MAP6: variants seen among roughly 807,000 people sequenced by gnomAD.
MAP6 encodes the protein microtubule associated protein 6.
Under a neutral mutation model 42.4 loss-of-function variants are expected in MAP6, and 26 were observed. The observed-to-expected ratio is 0.61, with a 90% confidence interval of 0.45 to 0.85. MAP6 has a LOEUF of 0.85. Among genes scored for constraint, MAP6 ranks in the 40% least tolerant of loss-of-function variants. The probability of loss-of-function intolerance (pLI) is 0.00; values close to 1 mark genes in which losing one functional copy is unlikely to be tolerated. For missense variants in MAP6, 966 were observed against 1,099.0 expected, an observed-to-expected ratio of 0.88 and a Z score of 1.71; for synonymous variants, 418 against 443.8, an observed-to-expected ratio of 0.94 and a Z score of 0.73.
At chr11:75,633,098 A>G (rs915968163) in intron 1 of MAP6, among the ~76,000 whole-genome samples, 2 of 151,980 alleles carry the variant, frequency 1.3e-5, no homozygotes, top group Middle Eastern at 3.4e-3. Flanking sequence ...CAATGTCTCC[A>G]CAAAACCTAA....
chr11:75,614,521 T>A (rs1036324030), intron 1 of MAP6, among the ~76,000 whole-genome samples: 1 of 152,206 alleles, frequency 6.6e-6, no homozygotes, highest in East Asian at 1.9e-4. Flanking sequence ...CAAGCTGCCA[T>A]GTCATAAGGA....
chr11:75,595,737 C>T (rs567267291), intron 3 of MAP6, among the ~76,000 whole-genome samples: 3 of 150,424 alleles, frequency 2.0e-5, no homozygotes, highest in South Asian at 2.2e-4. Flanking sequence ...CCCACCCCCA[C>T]CTTGGCAGCA....
chr11:75,610,745 G>A (rs1269154416), intron 1 of MAP6, among the ~76,000 whole-genome samples: 1 of 152,152 alleles, frequency 6.6e-6, no homozygotes, highest in Non-Finnish European at 1.5e-5. Flanking sequence ...GGGAAGCAGG[G>A]GGCGGAGAAG....
At chr11:75,623,837 T>G (rs1943153140) in intron 1 of MAP6, among the ~76,000 whole-genome samples, 1 of 152,220 alleles carries the variant, frequency 6.6e-6, no homozygotes, top group African/African-American at 2.4e-5. Context: ...GAAAGTGGCA[T>G]GAAATACCAC....
At chr11:75,652,707 C>T (rs1425519490) in intron 1 of MAP6, among the ~76,000 whole-genome samples, 3 of 151,840 alleles carry the variant, frequency 2.0e-5, no homozygotes, top group Non-Finnish European at 2.9e-5. Context: ...GGCATGGTGG[C>T]ACGTGCCTGT....
intron 1 of MAP6, among the ~76,000 whole-genome samples, chr11:75,610,041 A>G (rs551156031): frequency 1.8e-4 from 28 of 152,292 alleles, no homozygotes; most frequent in African/African-American, 6.5e-4. Flanking sequence ...AAGAAGAGGA[A>G]GAGAGACCTC....
intron 1 of MAP6, among the ~76,000 whole-genome samples, chr11:75,610,066 GC>G (rs778520739): frequency 2.2e-4 from 33 of 152,102 alleles, no homozygotes; most frequent in Admixed American, 5.2e-4. Context: ...AGCATACTTG[GC>G]CCCCTCGCCA....
chr11:75,662,009 T>C (rs1026849883), intron 1 of MAP6, among the ~76,000 whole-genome samples: 4 of 152,032 alleles, frequency 2.6e-5, no homozygotes, highest in Admixed American at 6.5e-5. Flanking sequence ...TGGGCAATAA[T>C]AAATTAGAAA....
At chr11:75,601,348 C>T (rs1294716096) in intron 3 of MAP6, among the ~76,000 whole-genome samples, 1 of 152,222 alleles carries the variant, frequency 6.6e-6, no homozygotes, top group Non-Finnish European at 1.5e-5. Flanking sequence ...TCTCCCTTAA[C>T]TCATCAAAAG....
chr11:75,658,135 T>C (rs1377818469), intron 1 of MAP6, among the ~76,000 whole-genome samples: 1 of 152,226 alleles, frequency 6.6e-6, no homozygotes, highest in Non-Finnish European at 1.5e-5. Flanking sequence ...CTATAAACAT[T>C]CTTATATAAG....
chr11:75,646,165 G>A, intron 1 of MAP6, among the ~76,000 whole-genome samples: 1 of 152,068 alleles, frequency 6.6e-6, no homozygotes, highest in East Asian at 1.9e-4. Flanking sequence ...CCATAGGAAG[G>A]AAGGACAATT....
intron 3 of MAP6, chr11:75,604,287 A>C: frequency 1.0e-6 from 1 of 985,886 alleles, no homozygotes; most frequent in Non-Finnish European, 1.2e-6. Flanking sequence ...TGATGTAAGC[A>C]GAGACTTTGC....
chr11:75,604,140 G>A, intron 3 of MAP6: 1 of 985,884 alleles, frequency 1.0e-6, no homozygotes. Context: ...CCCTGAGATA[G>A]AAAGGAAGGT....
chr11:75,603,739 C>G, intron 3 of MAP6: 1 of 985,178 alleles, frequency 1.0e-6, no homozygotes, highest in Non-Finnish European at 1.2e-6. Flanking sequence ...TACTGCCCAC[C>G]ACGCCTAGCA....
At chr11:75,659,253 AG>A (rs1943801954) in intron 1 of MAP6, among the ~76,000 whole-genome samples, 1 of 152,136 alleles carries the variant, frequency 6.6e-6, no homozygotes, top group Non-Finnish European at 1.5e-5. Flanking sequence ...AGGCTGAAGC[AG>A]GGGGATCACC....
At chr11:75,614,738 ACATGGCTAAG>A (rs1168144320) in intron 1 of MAP6, among the ~76,000 whole-genome samples, 3 of 152,270 alleles carry the variant, frequency 2.0e-5, no homozygotes, top group Non-Finnish European at 4.4e-5. Flanking sequence ...ATTGCCATTT[ACATGGCTAAG>A]TTTTGGAGTA....
chr11:75,668,376 A>T lies in MAP6; in HGVS notation c.-7T>A. On this transcript the variant is annotated 5_prime_UTR_variant, in exon 1 of 4. Transcript: ENST00000304771. ...TGATGCACGGCCACGCCATGATGCT[A>T]GCTGAAAAGCCGGCCTCCTCTTTCT... is the stretch of plus-strand genomic sequence containing the variant. 6.4e-7 allele frequency: 1 copy of T among 1,565,820 alleles called. No homozygotes were observed.
chr11:75,595,297 G>C (rs547046698), intron 3 of MAP6, among the ~76,000 whole-genome samples: 1 of 152,334 alleles, frequency 6.6e-6, no homozygotes, highest in South Asian at 2.1e-4. Flanking sequence ...CACCCTTTTA[G>C]TGAATGCCCT....
chr11:75,614,784 T>C (rs1435819565), intron 1 of MAP6, among the ~76,000 whole-genome samples: 2 of 152,232 alleles, frequency 1.3e-5, no homozygotes, highest in African/African-American at 2.4e-5. Context: ...CAAATTCTAA[T>C]ACAAACCCCA....
Sources: gnomAD v4.1 joint callset for allele counts (sites outside exome capture counted in the v4.1 genomes callset) on GRCh38, gnomAD v4.1.1 for gene constraint, MANE v1.5 for transcripts, NCBI Gene and HGNC (gene_info 2026-07-23, HGNC 2026-07-21) for gene names.